The following ENAH variants were observed in gnomAD, a reference collection of about 807,000 sequenced individuals.
ENAH encodes the protein protein enabled homolog.
In ENAH, 23 loss-of-function variants were observed where a neutral mutation model predicts 78.7. That is an observed-to-expected ratio of 0.29 (90% CI 0.21 to 0.41). The LOEUF (loss-of-function observed/expected upper bound fraction) is 0.41. Among genes scored for constraint, ENAH ranks in the 10% least tolerant of loss-of-function variants. The pLI is 1.00. For missense variants in ENAH, 544 were observed against 691.0 expected, an observed-to-expected ratio of 0.79 and a Z score of 2.39; for synonymous variants, 226 against 241.0, an observed-to-expected ratio of 0.94 and a Z score of 0.58.
At chr1:225,645,579 A>C (rs1333129691) in intron 1 of ENAH, among the ~76,000 whole-genome samples, 1 of 152,178 alleles carries the variant, frequency 6.6e-6, no homozygotes, top group Non-Finnish European at 1.5e-5. Flanking sequence ...TCTATGTTTA[A>C]CTTTTGAGGA....
At position 225,555,035 on chromosome 1, in the gene ENAH, T is replaced by C. The variant is rs765228195; in HGVS notation, c.220A>G (p.Thr74Ala). 6.3e-7 allele frequency: 1 copy of C among 1,599,488 alleles called. No individual in the cohort carries two copies. Among genetic ancestry groups the C allele is most frequent in the South Asian group, 1.1e-5 (1 of 90,096 alleles). ...TCTCGCCACTGGTGGAAGGTCTGTG[T>C]AGCTTGATTGTACTTCAACCCTTTA... Reference protein sequence around the residue: ...IPKGLKYNQATQTFHQWRDAR... With the variant: ...IPKGLKYNQAAQTFHQWRDAR... Residue 74 changes from threonine to alanine, a missense_variant, in exon 3 of 14, where the codon ACA becomes GCA. By Grantham distance (58) the Thr-to-Ala change is moderately conservative. Around this residue, in one of 4 missense-constraint regions of ENAH, gnomAD observed 77 missense variants for 151.8 expected, o/e 0.51. Coordinates refer to ENST00000366843, the MANE Select transcript of ENAH (RefSeq NM_018212.6).
At chr1:225,590,250 G>C (rs533924753) in intron 1 of ENAH, among the ~76,000 whole-genome samples, 1 of 152,016 alleles carries the variant, frequency 6.6e-6, no homozygotes, top group Non-Finnish European at 1.5e-5. Context: ...TTGGGAGACC[G>C]AATCACTTGA....
At chr1:225,651,880 G>A (rs1323159177) in intron 1 of ENAH, among the ~76,000 whole-genome samples, 1 of 152,104 alleles carries the variant, frequency 6.6e-6, no homozygotes, top group Non-Finnish European at 1.5e-5. Context: ...CATACCATAT[G>A]TTTCATCGTA....
intron 1 of ENAH, among the ~76,000 whole-genome samples, chr1:225,586,078 T>A (rs898501624): frequency 5.3e-5 from 8 of 151,832 alleles, no homozygotes; most frequent in Admixed American, 5.3e-4. Flanking sequence ...TGGCCAGGCA[T>A]GGCTGCGTGC....
intron 1 of ENAH, among the ~76,000 whole-genome samples, chr1:225,637,396 C>T (rs962108479): frequency 7.2e-5 from 11 of 152,100 alleles, no homozygotes; most frequent in African/African-American, 2.7e-4. Context: ...TTAGTAGAGA[C>T]GGGGTTTCAC....
intron 1 of ENAH, among the ~76,000 whole-genome samples, chr1:225,629,036 T>G (rs915844836): frequency 6.6e-6 from 1 of 151,922 alleles, no homozygotes; most frequent in Non-Finnish European, 1.5e-5. Flanking sequence ...TCCCAGGACT[T>G]TGGGAGGCCG....
intron 1 of ENAH, among the ~76,000 whole-genome samples, chr1:225,640,873 G>T (rs998252905): frequency 1.3e-5 from 2 of 150,830 alleles, no homozygotes; most frequent in Admixed American, 1.3e-4. Context: ...CAAGCTTTAT[G>T]GTTTAAATAC....
At chr1:225,588,576 A>G (rs1054947734) in intron 1 of ENAH, among the ~76,000 whole-genome samples, 2 of 152,172 alleles carry the variant, frequency 1.3e-5, no homozygotes, top group Non-Finnish European at 2.9e-5. Flanking sequence ...TTGGGAGGCC[A>G]AGGTGGACGG....
At chr1:225,521,386 C>T (rs959743831) in intron 4 of ENAH, among the ~76,000 whole-genome samples, 16 of 151,912 alleles carry the variant, frequency 1.1e-4, no homozygotes, top group African/African-American at 3.9e-4. Context: ...TTGCCAGGCA[C>T]GGTGGCTCAT....
chr1:225,531,251 T>C (rs2096536004), intron 3 of ENAH, among the ~76,000 whole-genome samples: 1 of 152,126 alleles, frequency 6.6e-6, no homozygotes, highest in African/African-American at 2.4e-5. Context: ...GAATTTTTAA[T>C]GTAACAGGTA....
intron 3 of ENAH, among the ~76,000 whole-genome samples, chr1:225,549,270 T>C (rs1386002165): frequency 1.7e-4 from 26 of 152,196 alleles, no homozygotes; most frequent in Admixed American, 1.7e-3. Flanking sequence ...GGTCCAAATT[T>C]TTAAGATTTC....
In ENAH at chr1:225,489,439, C is replaced by T. The variant is rs1047432061; in HGVS notation, c.*8336G>A. Reference sequence around the variant, plus strand: ...AAGATGGTCACTCCATTGATTTTTCCGCATTGTTTACATCCAGGATGCATG... The same window carrying T: ...AAGATGGTCACTCCATTGATTTTTCTGCATTGTTTACATCCAGGATGCATG... On this transcript the variant is annotated 3_prime_UTR_variant, in exon 14 of 14. Transcript: ENST00000366843. The T allele has an allele frequency of 1.3e-5, 2 of 152,122 alleles. No homozygotes were observed. Among genetic ancestry groups the T allele is most frequent in the Non-Finnish European group, 2.9e-5 (2 of 68,046 alleles). 9.4% of individuals were successfully genotyped at this position (152,122 alleles called of 1,614,324 possible). A position where few individuals can be genotyped will look rare whatever the true frequency, so the allele number is the denominator to read the frequency against.
chr1:225,632,090 C>T (rs111608468), intron 1 of ENAH, among the ~76,000 whole-genome samples: 3 of 152,130 alleles, frequency 2.0e-5, no homozygotes, highest in African/African-American at 7.2e-5. Context: ...GTTATTCTTG[C>T]GGTAGCTTTA....
intron 1 of ENAH, among the ~76,000 whole-genome samples, chr1:225,646,681 C>CAGG (rs1662020503): frequency 6.6e-6 from 1 of 151,804 alleles, no homozygotes; most frequent in South Asian, 2.1e-4. Flanking sequence ...CCCACCTGCT[C>CAGG]AGGAGGCTGA....
chr1:225,510,454 G>A (rs1006518503), intron 10 of ENAH, among the ~76,000 whole-genome samples: 5 of 152,058 alleles, frequency 3.3e-5, no homozygotes, highest in East Asian at 3.9e-4. Context: ...ACTAATGAGA[G>A]TACATACAAT....
In ENAH at chr1:225,536,898, T is replaced by C. The variant is rs1187847715; in HGVS notation, c.350-6260A>G. Among the ~76,000 whole-genome samples, 6 of 152,174 alleles carry C rather than the reference T, an allele frequency of 3.9e-5. No individual in the cohort carries two copies. The East Asian group carries it at 1.2e-3, about 29-fold the overall frequency. On this transcript the variant is annotated intron_variant, in intron 3 of 13. Transcript: ENST00000366843. Reference sequence around the variant, plus strand: ...ACAATATTTATTTACAGTAATGACATAAGATATAGAAAGACCACAGGCGTA... The same window carrying C: ...ACAATATTTATTTACAGTAATGACACAAGATATAGAAAGACCACAGGCGTA...
At chr1:225,502,387 T>C (rs2096287768) in intron 11 of ENAH, among the ~76,000 whole-genome samples, 1 of 152,170 alleles carries the variant, frequency 6.6e-6, no homozygotes, top group South Asian at 2.1e-4. Flanking sequence ...TTTTTTTGTA[T>C]TCTGAGTAGA....
chr1:225,605,672 C>T (rs1057190931), intron 1 of ENAH, among the ~76,000 whole-genome samples: 7 of 152,136 alleles, frequency 4.6e-5, no homozygotes, highest in African/African-American at 1.7e-4. Flanking sequence ...AAATCCTTAC[C>T]CCCATTACCT....
chr1:225,602,947 A>G (rs963473169), intron 1 of ENAH, among the ~76,000 whole-genome samples: 6 of 152,126 alleles, frequency 3.9e-5, no homozygotes, highest in Non-Finnish European at 7.4e-5. Flanking sequence ...ATGCTAAAAT[A>G]AAGGCTAACC....
Sources: allele counts gnomAD v4.1 joint callset (sites outside exome capture counted in the v4.1 genomes callset), GRCh38; gene constraint gnomAD v4.1.1; regional missense constraint gnomAD v4.1.1; transcripts MANE v1.5; gene names NCBI Gene and HGNC (gene_info 2026-07-23, HGNC 2026-07-21).